ABCB9: variants seen among roughly 807,000 people sequenced by gnomAD.
ABCB9 encodes ATP binding cassette subfamily B member 9.
ABCB9 carries 36 observed loss-of-function variants against 62.0 expected under a neutral mutation model. That is an observed-to-expected ratio of 0.58 (90% CI 0.45 to 0.77). The LOEUF (loss-of-function observed/expected upper bound fraction) is 0.77, where lower values mean the gene tolerates loss of function less well. Ranked by LOEUF, ABCB9 falls within the 30% of genes least tolerant of loss-of-function variation. ABCB9 has a pLI of 0.00. For synonymous variants in ABCB9, 435 were observed against 461.4 expected (o/e 0.94, Z 0.73); for missense variants, 943 against 1,054.7 (o/e 0.89, Z 1.47).
chr12:122,921,732 G>A (rs1393582819), intron 11 of ABCB9, among the ~76,000 whole-genome samples: 1 of 152,102 alleles, frequency 6.6e-6, no homozygotes, highest in Admixed American at 6.6e-5. Context: ...AGCGGAGATC[G>A]CGCCACTGCA....
Position 122,932,215 on chromosome 12 carries a change from A to G in ABCB9, c.2017T>C (p.Leu673=). 3.2e-6 allele frequency: 5 copies of G among 1,552,790 alleles called. No individual in the cohort carries two copies. Among genetic ancestry groups the G allele is most frequent in the Non-Finnish European group, 4.4e-6 (5 of 1,147,894 alleles). The change falls in exon 11 of 12, where the codon TTG becomes CTG. Residue 673 remains leucine, a synonymous_variant. Transcript: ENST00000280560. The surrounding 1 kb of genome is among the most constrained non-coding windows in gnomAD (Gnocchi z 4.7). ...VLILDEATSA[L]DAESEYLIQQ... is the part of the protein sequence containing the mutation. ...ACCAGATACTCGCTCTCGGCATCCAAAGCGCTGGTGGCTTCATCCAGGATG... is the reference window on the plus strand; with the variant it reads ...ACCAGATACTCGCTCTCGGCATCCAGAGCGCTGGTGGCTTCATCCAGGATG...
chr12:122,940,868 C>T lies in ABCB9; in HGVS notation c.1508G>A (p.Arg503Gln), dbSNP rs773009223. The T allele has an allele frequency of 1.3e-5, 21 of 1,611,760 alleles. No individual in the cohort carries two copies. The highest frequency in any genetic ancestry group is 2.7e-5 in the African/African-American group (2 of 74,898). The stretch of plus-strand genomic sequence containing the variant: ...GAAGGTCACATTCTCAAAGTCCACC[C>T]GGCCCTCCAGGTGGTCGGGGGCCAA... ...GSLAPDHLEG[R>Q]VDFENVTFTY... is the part of the protein sequence containing the mutation. Residue 503 changes from arginine (R) to glutamine (Q), a missense_variant, in exon 8 of 12, where the codon CGG becomes CAG. Physicochemically the swap from Arg to Gln is conservative, Grantham distance 43. Transcript: ENST00000280560. The surrounding 1 kb of genome is among the most constrained non-coding windows in gnomAD (Gnocchi z 4.8).
intron 6 of ABCB9, among the ~76,000 whole-genome samples, 178 bp downstream of exon 6, chr12:122,945,847 C>T (rs2036010877): frequency 1.4e-5 from 2 of 142,896 alleles, no homozygotes; most frequent in East Asian, 2.0e-4. Flanking sequence ...CACTGCACTC[C>T]AGCCTGGGTG....
chr12:122,940,232 G>A lies in ABCB9; in HGVS notation c.1622C>T (p.Ser541Leu), dbSNP rs1372287753. 12 of 1,611,566 alleles carry A rather than the reference G, an allele frequency of 7.4e-6. No individual in the cohort carries two copies. Among genetic ancestry groups the A allele is most frequent in the African/African-American group, 6.7e-5 (5 of 74,876 alleles). Reference sequence around the variant, plus strand: ...GACACAGGAGCTCTTCCCACTGCCCGAGGGCCCCACCAGGGCCGTCACCTT... The same window carrying A: ...GACACAGGAGCTCTTCCCACTGCCCAAGGGCCCCACCAGGGCCGTCACCTT... The part of the protein sequence containing the change: ...PGKVTALVGP[S>L]GSGKSSCVNI... Residue 541 changes from serine to leucine, a missense_variant, in exon 9 of 12, where the codon TCG becomes TTG. Transcript: ENST00000280560. The surrounding 1 kb of genome is among the most constrained non-coding windows in gnomAD (Gnocchi z 4.8).
In ABCB9 at chr12:122,940,669, G is replaced by A. The variant is rs1179592306; in HGVS notation, c.1569+138C>T. ...GTTAAGTATCTGTCTTCCCCAACTG[G>A]AGCCCAAAACTCCTGGAGGGCAATG... On this transcript the variant is annotated intron_variant, in intron 8 of 11. Coordinates refer to ENST00000280560, the MANE Select transcript of ABCB9 (RefSeq NM_019625.4). This position sits in a 1 kb window ranked among gnomAD's most constrained non-coding sequence, Gnocchi z 4.8. 9.3e-7 allele frequency: 1 copy of A among 1,075,456 alleles called. No homozygotes were observed. The highest frequency in any genetic ancestry group is 1.6e-5 in the African/African-American group (1 of 62,604). 66.6% of individuals were successfully genotyped at this position (1,075,456 alleles called of 1,614,324 possible). A position where few individuals can be genotyped will look rare whatever the true frequency, so the allele number is the denominator to read the frequency against.
downstream of ABCB9, among the ~76,000 whole-genome samples, chr12:122,926,458 A>G (rs1330937945): frequency 2.0e-5 from 3 of 152,094 alleles, no homozygotes; most frequent in Non-Finnish European, 4.4e-5. Context: ...GAGGCAGGAG[A>G]ATCGCTTGAA....
At position 122,940,380 on chromosome 12, in the gene ABCB9, C is replaced by A. The variant is rs1387669150; in HGVS notation, c.1570-96G>T. 3 of 1,422,144 alleles carry A rather than the reference C, an allele frequency of 2.1e-6. No homozygotes were observed. The South Asian group carries it at 4.3e-5, about 20-fold the overall frequency. 88.1% of individuals were successfully genotyped at this position (1,422,144 alleles called of 1,614,324 possible). On this transcript the variant is annotated intron_variant, in intron 8 of 11. Coordinates refer to ENST00000280560, the MANE Select transcript of ABCB9 (RefSeq NM_019625.4). The surrounding 1 kb of genome is among the most constrained non-coding windows in gnomAD (Gnocchi z 4.8). ...ACACAGGTGGGTGCCCTTCCCAGCC[C>A]ACCCCATGTGCCTCTCCCTCGCTTG...
rs1384840762 is a variant in ABCB9 at position 122,959,110 on chromosome 12, G to C, written c.601+525C>G. Among the ~76,000 whole-genome samples the C allele has an allele frequency of 6.6e-6, 1 of 150,874 alleles. No individual in the cohort carries two copies. Among genetic ancestry groups the C allele is most frequent in the Non-Finnish European group, 1.5e-5 (1 of 67,778 alleles). Reference sequence around the variant, plus strand: ...CTCACGCCTGTAATCCCAGCACTTTGGGAGGCCGAGGCCAGTGGATCACCT... The same window carrying C: ...CTCACGCCTGTAATCCCAGCACTTTCGGAGGCCGAGGCCAGTGGATCACCT... On this transcript the variant is annotated intron_variant, in intron 2 of 11. Coordinates refer to ENST00000280560, the MANE Select transcript of ABCB9 (RefSeq NM_019625.4). This position sits in a 1 kb window ranked among gnomAD's most constrained non-coding sequence, Gnocchi z 5.4.
intron 2 of ABCB9, among the ~76,000 whole-genome samples, chr12:122,954,058 C>A (rs2036499305): frequency 6.6e-6 from 1 of 151,774 alleles, no homozygotes; most frequent in Non-Finnish European, 1.5e-5. Flanking sequence ...AATCCCAGCA[C>A]TTTGGGAGGC....
At position 122,940,991 on chromosome 12, in the gene ABCB9, A is replaced by G. The variant is rs1023168351; in HGVS notation, c.1385T>C (p.Val462Ala). ...CATCAGGCCACTGTAGACGGAGCCCACGGACTGGGGAGAGGAGACACGCGT... is the reference window on the plus strand; with the variant it reads ...CATCAGGCCACTGTAGACGGAGCCCGCGGACTGGGGAGAGGAGACACGCGT... The part of the protein sequence containing the change: ...EFVLGDCMES[V>A]GSVYSGLMQG... Residue 462 changes from valine to alanine, a missense_variant, in exon 8 of 12, where the codon GTG (valine) becomes GCG (alanine). Val to Ala is a moderately conservative substitution (Grantham distance 64). Transcript: ENST00000280560. This position sits in a 1 kb window ranked among gnomAD's most constrained non-coding sequence, Gnocchi z 4.8. 2.5e-6 allele frequency: 4 copies of G among 1,600,430 alleles called. No individual in the cohort carries two copies. The highest frequency in any genetic ancestry group is 1.3e-5 in the African/African-American group (1 of 74,686).
At chr12:122,962,878 G>C (rs573414143) in intron 1 of ABCB9, among the ~76,000 whole-genome samples, 10 of 152,356 alleles carry the variant, frequency 6.6e-5, no homozygotes, top group Non-Finnish European at 1.2e-4. Flanking sequence ...GCCCAGAGAA[G>C]TGAAGAATTT....
upstream of ABCB9, among the ~76,000 whole-genome samples, chr12:122,969,180 C>CT (rs1555280035): frequency 6.7e-6 from 1 of 148,872 alleles, no homozygotes; most frequent in Admixed American, 6.7e-5. Context: ...TTCCACCCCC[C>CT]CCCCCCCCCC....
rs781242594 is a variant in ABCB9 at position 122,946,054 on chromosome 12, C to T, written c.1222G>A (p.Ala408Thr). The stretch of plus-strand genomic sequence containing the variant: ...CTGCCCCAGACGTAGTACATGTAGG[C>T]AGCTGCCTCCTTCCTGTTCAGCTTG... Reference protein sequence around the residue: ...VYKLNRKEAAAYMYYVWGSGL... With the variant: ...VYKLNRKEAATYMYYVWGSGL... Residue 408 changes from alanine to threonine, a missense_variant, in exon 6 of 12, where the codon GCC (alanine) becomes ACC (threonine). Physicochemically the swap from Ala to Thr is moderately conservative, Grantham distance 58 (BLOSUM62 0). Transcript: ENST00000280560. 18 of 1,613,772 alleles carry T rather than the reference C, an allele frequency of 1.1e-5. No homozygotes were observed. Among genetic ancestry groups the T allele is most frequent in the Non-Finnish European group, 1.5e-5 (18 of 1,180,032 alleles).
upstream of ABCB9, among the ~76,000 whole-genome samples, chr12:122,970,147 T>G (rs952784991): frequency 6.6e-6 from 1 of 152,324 alleles, no homozygotes; most frequent in East Asian, 1.9e-4. Context: ...TGGCATGAAC[T>G]CAGCTCACTG....
intron 9 of ABCB9, among the ~76,000 whole-genome samples, chr12:122,937,351 T>A: frequency 6.8e-6 from 1 of 148,028 alleles, no homozygotes; most frequent in Non-Finnish European, 1.5e-5. Context: ...AGAGCGAGAC[T>A]CCATCTTAAA....
downstream of ABCB9, chr12:122,924,727 G>T: frequency 6.5e-7 from 1 of 1,532,804 alleles, no homozygotes; most frequent in Non-Finnish European, 8.7e-7. Flanking sequence ...ATCCCTGCTT[G>T]TTTTCCTCAT....
At position 122,947,391 on chromosome 12, in the gene ABCB9, G is replaced by A; in HGVS notation, c.1054-1169C>T. ...ACTGTGGGGAGTGGCCTCACCGGGG[G>A]CTGGGTGGGAGATGGCTTCCTTTGC... On this transcript the variant is annotated intron_variant, in intron 5 of 11. Coordinates refer to ENST00000280560, the MANE Select transcript of ABCB9 (RefSeq NM_019625.4). The surrounding 1 kb of genome is among the most constrained non-coding windows in gnomAD (Gnocchi z 6.0). The A allele has an allele frequency of 5.0e-6, 2 of 402,286 alleles. No individual in the cohort carries two copies. Among genetic ancestry groups the A allele is most frequent in the Non-Finnish European group, 1.0e-5 (2 of 195,772 alleles). The allele number at this position is 402,286 out of a possible 1,614,324, so 24.9% of individuals were successfully genotyped here. A position where few individuals can be genotyped will look rare whatever the true frequency, so the allele number is the denominator to read the frequency against.
At chr12:122,963,474 T>C (rs551573684) in intron 1 of ABCB9, among the ~76,000 whole-genome samples, 2 of 152,236 alleles carry the variant, frequency 1.3e-5, no homozygotes, top group Admixed American at 1.3e-4. Flanking sequence ...GTAGGTCCTA[T>C]CATTATCCCC....
In ABCB9 at chr12:122,944,507, C is replaced by T. The variant is rs747928213; in HGVS notation, c.1264G>A (p.Val422Met). Reference protein sequence around the residue: ...YVWGSGLTLLVVQVSILYYGG... With the variant: ...YVWGSGLTLLMVQVSILYYGG... The stretch of plus-strand genomic sequence containing the variant: ...TAGTAGAGGATGCTGACCTGGACCA[C>T]CAGCAGTGTGAGCTGGGGCAGAGGG... Residue 422 changes from valine to methionine, a missense_variant, in exon 7 of 12, where the codon GTG (valine) becomes ATG (methionine). Transcript: ENST00000280560. The surrounding 1 kb of genome is among the most constrained non-coding windows in gnomAD (Gnocchi z 4.9). 1 of 1,613,886 alleles carries T rather than the reference C, an allele frequency of 6.2e-7. No individual in the cohort carries two copies. Among genetic ancestry groups the T allele is most frequent in the Admixed American group, 1.7e-5 (1 of 60,024 alleles).
Sources: allele counts gnomAD v4.1 joint callset (sites outside exome capture counted in the v4.1 genomes callset), GRCh38; gene constraint gnomAD v4.1.1; non-coding constraint Gnocchi (gnomAD v3.1); transcripts MANE v1.5; gene names NCBI Gene and HGNC (gene_info 2026-07-23, HGNC 2026-07-21).